Variants in SLC2A13 observed in about 807,000 individuals in gnomAD.
The protein encoded by SLC2A13 is solute carrier family 2 member 13, also known as proton myo-inositol cotransporter.
Under a neutral mutation model 64.4 loss-of-function variants are expected in SLC2A13, and 32 were observed. The observed-to-expected ratio is 0.50, with a 90% CI of 0.37 to 0.67. The LOEUF is 0.67. SLC2A13 is among the 30% of genes least tolerant of loss of function. SLC2A13 has a pLI of 0.00. For missense variants in SLC2A13, 743 were observed against 829.2 expected (o/e 0.90, Z 1.28); for synonymous variants, 338 against 327.1 (o/e 1.03, Z -0.36).
At chr12:39,985,071 C>T (rs1173158229) in intron 3 of SLC2A13, among the ~76,000 whole-genome samples, 1 of 152,096 alleles carries the variant, frequency 6.6e-6, no homozygotes. Context: ...GGGATATATG[C>T]AAACAATTTT....
intron 2 of SLC2A13, among the ~76,000 whole-genome samples, chr12:40,038,410 T>C (rs1948024884): frequency 6.6e-6 from 1 of 152,154 alleles, no homozygotes. Flanking sequence ...CCCCAGGATA[T>C]GATGAATTCT....
chr12:39,875,136 T>C (rs566678927), intron 4 of SLC2A13, among the ~76,000 whole-genome samples: 56 of 152,342 alleles, frequency 3.7e-4, no homozygotes, highest in Middle Eastern at 3.4e-3. Context: ...ACATTTATTA[T>C]CTCACAGCTC....
intron 2 of SLC2A13, among the ~76,000 whole-genome samples, chr12:40,035,359 T>C (rs1947965498): frequency 6.6e-6 from 1 of 152,230 alleles, no homozygotes; most frequent in South Asian, 2.1e-4. Flanking sequence ...TAGAGTTATG[T>C]TACAGCAACT....
At chr12:39,990,157 A>G (rs564911529) in intron 3 of SLC2A13, among the ~76,000 whole-genome samples, 2 of 152,318 alleles carry the variant, frequency 1.3e-5, no homozygotes, top group East Asian at 3.9e-4. Flanking sequence ...ACGATCAAAT[A>G]TTAGTTCCTT....
intron 7 of SLC2A13, among the ~76,000 whole-genome samples, chr12:39,782,834 GT>G (rs760686137): frequency 2.6e-5 from 4 of 152,106 alleles, no homozygotes; most frequent in Non-Finnish European, 4.4e-5. Context: ...TGAGGAACTT[GT>G]TGAAAAACGG....
intron 2 of SLC2A13, among the ~76,000 whole-genome samples, chr12:40,038,749 G>A (rs1202759088): frequency 1.8e-4 from 22 of 121,546 alleles, no homozygotes; most frequent in South Asian, 5.5e-4. Flanking sequence ...AAAAAAGAAA[G>A]AAAAGAAAAA....
At chr12:39,881,022 C>T (rs996616273) in intron 4 of SLC2A13, among the ~76,000 whole-genome samples, 19 of 152,162 alleles carry the variant, frequency 1.2e-4, no homozygotes, top group African/African-American at 4.6e-4. Context: ...TGTGATTGTT[C>T]CCAAACCTGT....
intron 1 of SLC2A13, among the ~76,000 whole-genome samples, chr12:40,067,652 A>G (rs1361882683): frequency 1.3e-5 from 2 of 152,044 alleles, no homozygotes; most frequent in African/African-American, 2.4e-5. Context: ...TGTCTTCATC[A>G]TTCTACTAAT....
chr12:39,971,997 A>AAATATATATATATATATATATATAT (rs1375405006), intron 3 of SLC2A13, among the ~76,000 whole-genome samples: 89 of 77,256 alleles, frequency 1.2e-3, no homozygotes, highest in Non-Finnish European at 1.9e-3. Flanking sequence ...AAAAAAAAAA[A>AAATATATATATATATATATATATAT]ATATATATAT....
At chr12:40,022,146 C>T (rs1450150210) in intron 3 of SLC2A13, among the ~76,000 whole-genome samples, 3 of 152,142 alleles carry the variant, frequency 2.0e-5, no homozygotes, top group African/African-American at 7.2e-5. Flanking sequence ...ACAGGAAGCT[C>T]CTGAATAAGT....
At chr12:39,841,112 C>T (rs1048345183) in intron 6 of SLC2A13, among the ~76,000 whole-genome samples, 3 of 152,062 alleles carry the variant, frequency 2.0e-5, no homozygotes, top group African/African-American at 7.2e-5. Context: ...CACGTTGAGG[C>T]TAAGATTCAA....
rs760382450 is a variant in SLC2A13, at chr12:40,105,322, C to T, written c.487G>A (p.Ala163Thr). The T allele has an allele frequency of 4.4e-6, 7 of 1,598,952 alleles. No homozygotes were observed. Among genetic ancestry groups the T allele is most frequent in the Non-Finnish European group, 6.0e-6 (7 of 1,174,446 alleles). Reference protein sequence around the residue: ...LASALFTAGSAVLAAANNKET... With the variant: ...LASALFTAGSTVLAAANNKET... ...TTGTTGTTGGCCGCAGCCAGCACCG[C>T]GGAGCCGGCGGTGAAGAGGGCACTG... Residue 163 changes from alanine (A) to threonine (T), a missense_variant, in exon 1 of 10, where the codon GCG becomes ACG. Ala to Thr is a moderately conservative substitution (Grantham distance 58). Around this residue, in one of 2 missense-constraint regions of SLC2A13, gnomAD observed 448 missense variants for 447.4 expected, o/e 1.00. Coordinates refer to ENST00000280871, the MANE Select transcript of SLC2A13 (RefSeq NM_052885.4). The surrounding 1 kb of genome is among the most constrained non-coding windows in gnomAD (Gnocchi z 4.2).
rs1290380782 is a variant in SLC2A13, at chr12:40,016,149, C to T, written c.925+12152G>A. 1.1e-4 allele frequency among the ~76,000 whole-genome samples: 16 copies of T among 151,980 alleles called. No individual in the cohort carries two copies. In the East Asian group the frequency reaches 2.5e-3, roughly 24 times the overall value. On this transcript the variant is annotated intron_variant, in intron 3 of 9. Transcript: ENST00000280871. ...GGTTATGCAGCTACAGCCATGATTC[C>T]ATGTAAGAATAAAGAACTTATAATT...
In SLC2A13 at chr12:39,755,370, A is replaced by C. The variant is rs1251670031; in HGVS notation, c.*4656T>G. The C allele has an allele frequency of 6.6e-6, 1 of 152,094 alleles. No individual in the cohort carries two copies. Among genetic ancestry groups the C allele is most frequent in the Non-Finnish European group, 1.5e-5 (1 of 67,904 alleles). The allele number at this position is 152,094 out of a possible 1,614,324, so 9.4% of individuals were successfully genotyped here. On this transcript the variant is annotated 3_prime_UTR_variant, in exon 10 of 10. Transcript: ENST00000280871. ...GAAATTAAAATATACAGTTTGAAATACATATATTTTAAAAGCATAAAACTG... is the reference window on the plus strand; with the variant it reads ...GAAATTAAAATATACAGTTTGAAATCCATATATTTTAAAAGCATAAAACTG...
At chr12:40,081,934 T>C (rs933440529) in intron 1 of SLC2A13, among the ~76,000 whole-genome samples, 1 of 152,214 alleles carries the variant, frequency 6.6e-6, no homozygotes, top group Non-Finnish European at 1.5e-5. Context: ...CATGTCTGGA[T>C]GATTGCAGGG....
chr12:40,058,295 C>A (rs576134487), intron 1 of SLC2A13, among the ~76,000 whole-genome samples: 1 of 152,112 alleles, frequency 6.6e-6, no homozygotes, highest in South Asian at 2.1e-4. Flanking sequence ...GCCAAATTAA[C>A]CTTCACTTTC....
chr12:39,947,212 G>A (rs1946150994), intron 4 of SLC2A13, among the ~76,000 whole-genome samples: 1 of 152,184 alleles, frequency 6.6e-6, no homozygotes, highest in African/African-American at 2.4e-5. Context: ...ATGCCCCAGA[G>A]AAGATTCCCC....
intron 1 of SLC2A13, among the ~76,000 whole-genome samples, chr12:40,050,998 C>T (rs1333708991): frequency 6.6e-6 from 1 of 152,062 alleles, no homozygotes; most frequent in African/African-American, 2.4e-5. Context: ...TATTTTTATT[C>T]TTATTATCAT....
intron 3 of SLC2A13, among the ~76,000 whole-genome samples, chr12:40,020,366 C>G (rs985905752): frequency 2.6e-5 from 4 of 152,118 alleles, no homozygotes; most frequent in Admixed American, 2.0e-4. Flanking sequence ...TGAGTTCTCA[C>G]GAGCTCTGAC....
Sources: allele counts gnomAD v4.1 joint callset (sites outside exome capture counted in the v4.1 genomes callset), GRCh38; gene constraint gnomAD v4.1.1; regional missense constraint gnomAD v4.1.1; non-coding constraint Gnocchi (gnomAD v3.1); transcripts MANE v1.5; gene names NCBI Gene and HGNC (gene_info 2026-07-23, HGNC 2026-07-21).